Variants in SUFU observed in about 807,000 individuals in gnomAD.
The protein encoded by SUFU is SUFU negative regulator of hedgehog signaling, also known as suppressor of fused homolog.
Under a neutral mutation model 58.9 loss-of-function variants are expected in SUFU, and 7 were observed. The ratio of observed to expected loss-of-function variants is 0.12; its 90% CI spans 0.07 to 0.22. SUFU has a LOEUF of 0.22. Ranked by LOEUF, SUFU falls within the 10% of genes least tolerant of loss-of-function variation. The pLI, the probability that SUFU is intolerant of heterozygous loss-of-function variation, is 1.00. For missense variants in SUFU, 451 were observed against 641.3 expected (o/e 0.70, Z 3.20); for synonymous variants, 232 against 254.8 (o/e 0.91, Z 0.85).
chr10:102,609,141 G>T (rs560071978), intron 8 of SUFU, among the ~76,000 whole-genome samples: 5 of 152,190 alleles, frequency 3.3e-5, no homozygotes, highest in Non-Finnish European at 7.3e-5. Context: ...TCTTGGGCTA[G>T]TTATTTAAGT....
intron 2 of SUFU, among the ~76,000 whole-genome samples, chr10:102,525,704 A>T (rs1003856293): frequency 6.6e-6 from 1 of 152,058 alleles, no homozygotes; most frequent in Non-Finnish European, 1.5e-5. Flanking sequence ...GGGTTTTGCC[A>T]TGTTGGCCAG....
At chr10:102,573,900 G>C (rs1033587221) in intron 3 of SUFU, among the ~76,000 whole-genome samples, 2 of 152,068 alleles carry the variant, frequency 1.3e-5, no homozygotes, top group African/African-American at 4.8e-5. Context: ...TCCTGGAAAT[G>C]GAAGCTTCTT....
At chr10:102,614,327 A>ACG (rs1282341080) in intron 8 of SUFU, among the ~76,000 whole-genome samples, 4 of 149,380 alleles carry the variant, frequency 2.7e-5, no homozygotes, top group Middle Eastern at 3.7e-3. Flanking sequence ...AGGCCGAGGT[A>ACG]GGCAGATCAC....
intron 4 of SUFU, 80 bp from the exon 5 acceptor site, chr10:102,593,556 T>C: frequency 7.0e-7 from 1 of 1,425,522 alleles, no homozygotes; most frequent in Admixed American, 1.7e-5. Context: ...TGGAGGTGAC[T>C]CAGAGAGCCT....
intron 8 of SUFU, among the ~76,000 whole-genome samples, chr10:102,608,240 AT>A (rs1246371030): frequency 1.3e-5 from 2 of 148,600 alleles, no homozygotes; most frequent in South Asian, 2.1e-4. Context: ...CAAAAAAAAA[AT>A]TTAAGGAAAA....
intron 2 of SUFU, among the ~76,000 whole-genome samples, chr10:102,545,098 G>T (rs895730486): frequency 8.6e-5 from 13 of 151,544 alleles, no homozygotes; most frequent in Non-Finnish European, 1.0e-4. Flanking sequence ...GTTTTCATGT[G>T]AACAGGTTTT....
chr10:102,550,189 G>T, intron 3 of SUFU, 83 bp downstream of exon 3: 1 of 1,588,362 alleles, frequency 6.3e-7, no homozygotes, highest in Non-Finnish European at 8.6e-7. Flanking sequence ...ATATTTTGAT[G>T]TTTGTGGAGT....
rs2063700100 is a variant in SUFU, at chr10:102,617,564, G to T, written c.1296+136G>T. 2 of 1,254,208 alleles carry T rather than the reference G, an allele frequency of 1.6e-6. No individual in the cohort carries two copies. Among genetic ancestry groups the T allele is most frequent in the African/African-American group, 3.0e-5 (2 of 67,498 alleles). The allele number at this position is 1,254,208 out of a possible 1,614,324, so 77.7% of individuals were successfully genotyped here. A position where few individuals can be genotyped will look rare whatever the true frequency, so the allele number is the denominator to read the frequency against. On this transcript the variant is annotated intron_variant, in intron 10 of 11. Transcript: ENST00000369902. The surrounding 1 kb of genome is among the most constrained non-coding windows in gnomAD (Gnocchi z 4.4). ...TGAATGCCTCATGGATTCAGGGCCT[G>T]GGGCCTGTGTGTAGGTATGGAGTGT...
chr10:102,597,215 C>G lies in SUFU; in HGVS notation c.832C>G (p.Leu278Val), dbSNP rs1060504147. 1.2e-6 allele frequency: 2 copies of G among 1,614,024 alleles called. No homozygotes were observed. Among genetic ancestry groups the G allele is most frequent in the Admixed American group, 1.7e-5 (1 of 60,018 alleles). The change falls in exon 7 of 12, where the codon CTG becomes GTG. Residue 278 changes from leucine (L) to valine (V), a missense_variant. Coordinates refer to ENST00000369902, the MANE Select transcript of SUFU (RefSeq NM_016169.4). Reference protein sequence around the residue: ...GVSAKCAWDDLSRPPEDDEDS... With the variant: ...GVSAKCAWDDVSRPPEDDEDS... ...CAGTGCCAAGTGTGCCTGGGATGAC[C>G]TGAGCCGGCCCCCCGAGGATGACGA...
chr10:102,508,252 G>A (rs1293725507), intron 1 of SUFU, among the ~76,000 whole-genome samples: 1 of 152,116 alleles, frequency 6.6e-6, no homozygotes, highest in Non-Finnish European at 1.5e-5. Flanking sequence ...GAGATTACAG[G>A]TGTGAGCCAC....
intron 3 of SUFU, among the ~76,000 whole-genome samples, chr10:102,578,272 A>C (rs1414464098): frequency 6.7e-6 from 1 of 149,494 alleles, no homozygotes; most frequent in African/African-American, 2.5e-5. Context: ...ACAAAAACAA[A>C]AAACAAAGAA....
At chr10:102,607,434 C>T (rs560482544) in intron 8 of SUFU, among the ~76,000 whole-genome samples, 1 of 152,056 alleles carries the variant, frequency 6.6e-6, no homozygotes, top group Non-Finnish European at 1.5e-5. Flanking sequence ...AAAATTATGA[C>T]AGAAAGGAAA....
At chr10:102,589,907 T>A (rs1476014623) in intron 3 of SUFU, among the ~76,000 whole-genome samples, 2 of 152,004 alleles carry the variant, frequency 1.3e-5, no homozygotes, top group African/African-American at 4.8e-5. Flanking sequence ...AGCTGTGGGG[T>A]TTTTTGTTAA....
intron 2 of SUFU, among the ~76,000 whole-genome samples, chr10:102,540,253 A>G: frequency 6.6e-6 from 1 of 152,200 alleles, no homozygotes; most frequent in East Asian, 1.9e-4. Flanking sequence ...CCCAGTGGCC[A>G]GAACTAGGAA....
Position 102,630,347 on chromosome 10 carries a change from G to A in SUFU, c.*192G>A, listed in dbSNP as rs1590095378. The A allele has an allele frequency of 4.8e-6, 3 of 618,892 alleles. No individual in the cohort carries two copies. The East Asian group carries it at 8.3e-5, about 17-fold the overall frequency. 38.3% of individuals were successfully genotyped at this position (618,892 alleles called of 1,614,324 possible). On this transcript the variant is annotated 3_prime_UTR_variant, in exon 12 of 12. Coordinates refer to ENST00000369902, the MANE Select transcript of SUFU (RefSeq NM_016169.4). The stretch of plus-strand genomic sequence containing the variant: ...CCTCCACCTCACCTCCAGCTCAGGG[G>A]CCGCACCCCGCCGCTGGCTAAGCCT...
At chr10:102,510,489 T>C (rs1364472706) in intron 2 of SUFU, among the ~76,000 whole-genome samples, 1 of 438 alleles carries the variant, frequency 2.3e-3, no homozygotes, top group Non-Finnish European at 5.4e-3. Flanking sequence ...ATTACAGGCG[T>C]GACGACTGTG....
intron 3 of SUFU, among the ~76,000 whole-genome samples, chr10:102,550,316 C>T (rs563010612): frequency 8.5e-5 from 13 of 152,184 alleles, no homozygotes; most frequent in Non-Finnish European, 1.6e-4. Context: ...CCCCTGTGCC[C>T]TCCAGCAGCA....
At chr10:102,570,277 T>C (rs919694345) in intron 3 of SUFU, among the ~76,000 whole-genome samples, 3 of 151,904 alleles carry the variant, frequency 2.0e-5, no homozygotes, top group Non-Finnish European at 2.9e-5. Context: ...AGTCTTGTTC[T>C]GTTGCCCAGG....
At chr10:102,579,610 C>A (rs1255865754) in intron 3 of SUFU, among the ~76,000 whole-genome samples, 2 of 152,202 alleles carry the variant, frequency 1.3e-5, no homozygotes. Context: ...CTGTGCGATT[C>A]CTTTGATTCC....
Sources: allele counts gnomAD v4.1 joint callset (sites outside exome capture counted in the v4.1 genomes callset), GRCh38; gene constraint gnomAD v4.1.1; non-coding constraint Gnocchi (gnomAD v3.1); transcripts MANE v1.5; gene names NCBI Gene and HGNC (gene_info 2026-07-23, HGNC 2026-07-21).